Variants in TOR4A observed in about 807,000 individuals in gnomAD.
The protein encoded by TOR4A is torsin-4A.
Under a neutral mutation model 11.5 loss-of-function variants are expected in TOR4A, and 12 were observed. The observed-to-expected ratio is 1.04, with a 90% CI of 0.67 to 1.69. The LOEUF (loss-of-function observed/expected upper bound fraction) is 1.69. Ranked by LOEUF, TOR4A falls within the 40% of genes most tolerant of loss-of-function variation. The pLI, the probability that TOR4A is intolerant of heterozygous loss-of-function variation, is 0.00. For missense variants in TOR4A, 640 were observed against 643.2 expected (o/e 0.99, Z 0.05); for synonymous variants, 362 against 307.4 (o/e 1.18, Z -1.86).
At position 137,282,330 on chromosome 9, in the gene TOR4A, A is replaced by G. The variant is rs1371185968; in HGVS notation, c.*2369A>G. ...ATTCTCCTGCCTCAGCCTCCCGAGT[A>G]GCTGGGATTACAGGCGCCCGCCATC... On this transcript the variant is annotated 3_prime_UTR_variant, in exon 2 of 2. Coordinates refer to ENST00000357503, the MANE Select transcript of TOR4A (RefSeq NM_017723.3). The G allele has an allele frequency of 6.4e-6, 1 of 155,702 alleles. No individual in the cohort carries two copies. The highest frequency in any genetic ancestry group is 2.4e-5 in the African/African-American group (1 of 41,338). 9.6% of individuals were successfully genotyped at this position (155,702 alleles called of 1,614,324 possible). A position where few individuals can be genotyped will look rare whatever the true frequency, so the allele number is the denominator to read the frequency against.
Position 137,278,654 on chromosome 9 carries a change from G to T in TOR4A, c.-36G>T. Reference sequence around the variant, plus strand: ...ACCCTCCCCGTCTTCCCGTTGCAGGGAGGGCGACCTGTATGCGGAGCGCCG... The same window carrying T: ...ACCCTCCCCGTCTTCCCGTTGCAGGTAGGGCGACCTGTATGCGGAGCGCCG... On this transcript the variant is annotated splice_region_variant and 5_prime_UTR_variant, in exon 2 of 2. Coordinates refer to ENST00000357503, the MANE Select transcript of TOR4A (RefSeq NM_017723.3). 7.7e-7 allele frequency: 1 copy of T among 1,298,744 alleles called. No homozygotes were observed. Among genetic ancestry groups the T allele is most frequent in the East Asian group, 3.2e-5 (1 of 31,600 alleles). 80.5% of individuals were successfully genotyped at this position (1,298,744 alleles called of 1,614,324 possible).
chr9:137,277,827 C>T lies in TOR4A; in HGVS notation c.-118C>T, dbSNP rs552868642. The T allele has an allele frequency of 6.6e-6, 1 of 152,412 alleles. No homozygotes were observed. The highest frequency in any genetic ancestry group is 2.1e-4 in the South Asian group (1 of 4,830). 9.4% of individuals were successfully genotyped at this position (152,412 alleles called of 1,614,324 possible). On this transcript the variant is annotated 5_prime_UTR_variant, in exon 1 of 2. Coordinates refer to ENST00000357503, the MANE Select transcript of TOR4A (RefSeq NM_017723.3). ...GCCCACCCCCTCGCCCTGGGAGGCG[C>T]ATTTCCTGCTTGGAGTCTCAGGCCC... is the stretch of plus-strand genomic sequence containing the variant.
rs372458468 is a variant in TOR4A, at chr9:137,278,090, TG to T, written c.-38+186del. 2.5e-4 allele frequency among the ~76,000 whole-genome samples: 38 copies of T among 152,326 alleles called. No individual in the cohort carries two copies. The East Asian group carries it at 6.4e-3, about 26-fold the overall frequency. On this transcript the variant is annotated intron_variant, in intron 1 of 1. Transcript: ENST00000357503. ...AGGACCCCAGTTTTGGAGTCGGGGC[TG>T]GGAGGCCTGGGTTGAGCCTGGGGAC...
At position 137,279,748 on chromosome 9, in the gene TOR4A, G is replaced by T. The variant is rs377037019; in HGVS notation, c.1059G>T (p.Pro353=). The change falls in exon 2 of 2, where the codon CCG becomes CCT. Residue 353 remains proline, a synonymous_variant. Transcript: ENST00000357503. The stretch of plus-strand genomic sequence containing the variant: ...TGGCTGTGCTGTCCCGGGAGCATCC[G>T]CTGTGGCAGGCCGCGGCCATCGTGC... ...SLLAVLSREH[P]LWQAAAIVPF... 1.9e-6 allele frequency: 3 copies of T among 1,582,288 alleles called. No individual in the cohort carries two copies. The highest frequency in any genetic ancestry group is 1.1e-5 in the South Asian group (1 of 88,352).
Position 137,278,895 on chromosome 9 carries a change from C to T in TOR4A, c.206C>T (p.Ala69Val), listed in dbSNP as rs1264908673. The T allele has an allele frequency of 1.9e-6, 3 of 1,561,700 alleles. No homozygotes were observed. Among genetic ancestry groups the T allele is most frequent in the Non-Finnish European group, 8.6e-7 (1 of 1,161,280 alleles). Residue 69 changes from alanine (A) to valine (V), a missense_variant, in exon 2 of 2, where the codon GCG becomes GTG. Transcript: ENST00000357503. ...RPGCSPRAPR[A>V]DLDQPKFFTF... ...GGCTGCAGCCCCCGGGCACCGCGCGCGGACCTGGACCAGCCAAAGTTCTTC... is the reference window on the plus strand; with the variant it reads ...GGCTGCAGCCCCCGGGCACCGCGCGTGGACCTGGACCAGCCAAAGTTCTTC...
rs146071143 is a variant in TOR4A at position 137,279,523 on chromosome 9, G to A, written c.834G>A (p.Glu278=). 13 of 1,587,266 alleles carry A rather than the reference G, an allele frequency of 8.2e-6. No individual in the cohort carries two copies. The highest frequency in any genetic ancestry group is 1.1e-5 in the Non-Finnish European group (13 of 1,169,822). ...TCATGCCGCGGCCGCTGCTGGACGA[G>A]CTGCACGGCTTCCTGCAGCCGCAGC... is the stretch of plus-strand genomic sequence containing the variant. ...VELMPRPLLD[E]LHGFLQPQRS... is the part of the protein sequence containing the mutation. The change falls in exon 2 of 2, where the codon GAG becomes GAA. Residue 278 remains glutamate, a synonymous_variant. Transcript: ENST00000357503.
Position 137,278,997 on chromosome 9 carries a change from C to T in TOR4A, c.308C>T (p.Pro103Leu), listed in dbSNP as rs778606281. ...CGGCGCAGCCGCCTGGTGCTTTACC[C>T]GGAGACCTCGCGCAAGTATCGGCCG... ...KRRRSRLVLY[P>L]ETSRKYRPRV... The change falls in exon 2 of 2, where the codon CCG becomes CTG. Residue 103 changes from proline to leucine, a missense_variant. Transcript: ENST00000357503. The T allele has an allele frequency of 3.1e-6, 5 of 1,606,544 alleles. No homozygotes were observed. The South Asian group carries it at 4.4e-5, about 14-fold the overall frequency.
In TOR4A at chr9:137,280,202, G is replaced by C. The variant is rs900012303; in HGVS notation, c.*241G>C. On this transcript the variant is annotated 3_prime_UTR_variant, in exon 2 of 2. Coordinates refer to ENST00000357503, the MANE Select transcript of TOR4A (RefSeq NM_017723.3). ...AAACTTGCCCATTGCCCTGCTGGGC[G>C]TCCCAGGCATGGTCTGGTGCGTTCT... 10 of 593,676 alleles carry C rather than the reference G, an allele frequency of 1.7e-5. No homozygotes were observed. The highest frequency in any genetic ancestry group is 2.8e-5 in the Non-Finnish European group (9 of 327,104). 36.8% of individuals were successfully genotyped at this position (593,676 alleles called of 1,614,324 possible).
chr9:137,278,621 G>A, intron 1 of TOR4A, 32 bp from the exon 2 acceptor site: 1 of 1,229,310 alleles, frequency 8.1e-7, no homozygotes, highest in East Asian at 3.3e-5. Flanking sequence ...AGTGGCGGGA[G>A]TCCAGAGACC....
rs770559835 is a variant in TOR4A at position 137,279,528 on chromosome 9, A to G, written c.839A>G (p.His280Arg). 36 of 1,587,330 alleles carry G rather than the reference A, an allele frequency of 2.3e-5. No individual in the cohort carries two copies. The highest frequency in any genetic ancestry group is 1.1e-5 in the Non-Finnish European group (13 of 1,170,038). ...LMPRPLLDEL[H>R]GFLQPQRSHH... ...CCGCGGCCGCTGCTGGACGAGCTGC[A>G]CGGCTTCCTGCAGCCGCAGCGCTCC... Residue 280 changes from histidine to arginine, a missense_variant, in exon 2 of 2, where the codon CAC becomes CGC. Coordinates refer to ENST00000357503, the MANE Select transcript of TOR4A (RefSeq NM_017723.3).
rs564458178 is a variant in TOR4A at position 137,280,727 on chromosome 9, C to T, written c.*766C>T. Reference sequence around the variant, plus strand: ...CTGGTCACCACGATTGCGCGACCTCCCTTTCCCTGGGGCCTTTTGTGCCCC... The same window carrying T: ...CTGGTCACCACGATTGCGCGACCTCTCTTTCCCTGGGGCCTTTTGTGCCCC... On this transcript the variant is annotated 3_prime_UTR_variant, in exon 2 of 2. Coordinates refer to ENST00000357503, the MANE Select transcript of TOR4A (RefSeq NM_017723.3). 1 of 167,254 alleles carries T rather than the reference C, an allele frequency of 6.0e-6. No individual in the cohort carries two copies. The highest frequency in any genetic ancestry group is 6.5e-5 in the Admixed American group (1 of 15,300). 10.4% of individuals were successfully genotyped at this position (167,254 alleles called of 1,614,324 possible).
Position 137,278,949 on chromosome 9 carries a change from C to T in TOR4A, c.260C>T (p.Ser87Phe), listed in dbSNP as rs574903060. 6.2e-7 allele frequency: 1 copy of T among 1,602,908 alleles called. No homozygotes were observed. Among genetic ancestry groups the T allele is most frequent in the Non-Finnish European group, 8.5e-7 (1 of 1,177,786 alleles). The change falls in exon 2 of 2, where the codon TCC becomes TTC. Residue 87 changes from serine (S) to phenylalanine (F), a missense_variant. By Grantham distance (155) the Ser-to-Phe change is radical. Transcript: ENST00000357503. ...FTFDSPAELP[S>F]RTPRKKRRRS... ...TTCGACAGCCCCGCGGAGCTACCCT[C>T]CAGGACGCCACGCAAGAAGCGCCGG...
Position 137,278,998 on chromosome 9 carries a change from G to T in TOR4A, c.309G>T (p.Pro103=), listed in dbSNP as rs748016908. ...GGCGCAGCCGCCTGGTGCTTTACCC[G>T]GAGACCTCGCGCAAGTATCGGCCGC... ...KRRRSRLVLY[P]ETSRKYRPRV... is the part of the protein sequence containing the mutation. The change falls in exon 2 of 2, where the codon CCG becomes CCT. Residue 103 remains proline (P), a synonymous_variant. Transcript: ENST00000357503. The T allele has an allele frequency of 6.2e-7, 1 of 1,606,738 alleles. No individual in the cohort carries two copies. The highest frequency in any genetic ancestry group is 8.5e-7 in the Non-Finnish European group (1 of 1,177,544).
chr9:137,279,210 T>C lies in TOR4A; in HGVS notation c.521T>C (p.Leu174Pro). ...GCTGCCGTATCGCGCATCGTGGCGC[T>C]GATGCGGGACTACCTGGCCACGCAT... is the stretch of plus-strand genomic sequence containing the variant. The part of the protein sequence containing the change: ...QPAAVSRIVA[L>P]MRDYLATHVH... Residue 174 changes from leucine to proline, a missense_variant, in exon 2 of 2, where the codon CTG becomes CCG. Coordinates refer to ENST00000357503, the MANE Select transcript of TOR4A (RefSeq NM_017723.3). 2 of 1,547,952 alleles carry C rather than the reference T, an allele frequency of 1.3e-6. No homozygotes were observed. The highest frequency in any genetic ancestry group is 1.7e-6 in the Non-Finnish European group (2 of 1,146,510).
In TOR4A at chr9:137,281,828, A is replaced by T. The variant is rs1332865768; in HGVS notation, c.*1867A>T. 7 of 166,622 alleles carry T rather than the reference A, an allele frequency of 4.2e-5. No homozygotes were observed. The highest frequency in any genetic ancestry group is 1.5e-4 in the African/African-American group (6 of 41,362). 10.3% of individuals were successfully genotyped at this position (166,622 alleles called of 1,614,324 possible). On this transcript the variant is annotated 3_prime_UTR_variant, in exon 2 of 2. Coordinates refer to ENST00000357503, the MANE Select transcript of TOR4A (RefSeq NM_017723.3). ...GTTCAGCCCAGCTCTGTCCACCCCAACCCCAGGGCTAGGGGAAGGAGCTGG... is the reference window on the plus strand; with the variant it reads ...GTTCAGCCCAGCTCTGTCCACCCCATCCCCAGGGCTAGGGGAAGGAGCTGG...
chr9:137,278,445 C>CGGCGGAGG (rs1830670163), intron 1 of TOR4A, among the ~76,000 whole-genome samples: 1 of 141,096 alleles, frequency 7.1e-6, no homozygotes, highest in Non-Finnish European at 1.6e-5. Flanking sequence ...CATCGGGGCC[C>CGGCGGAGG]TGCGGAGGGG....
chr9:137,279,998 CAGT>C lies in TOR4A; in HGVS notation c.*40_*42del, dbSNP rs1830696554. ...GACGGGACGTTTGGGTTGATGGCGG[CAGT>C]AGGAGGGCGACCAGGGACCTTGTGG... On this transcript the variant is annotated 3_prime_UTR_variant, in exon 2 of 2. Coordinates refer to ENST00000357503, the MANE Select transcript of TOR4A (RefSeq NM_017723.3). 3 of 1,528,522 alleles carry C rather than the reference CAGT, an allele frequency of 2.0e-6. No homozygotes were observed. The highest frequency in any genetic ancestry group is 1.8e-6 in the Non-Finnish European group (2 of 1,131,744). The allele number at this position is 1,528,522 out of a possible 1,614,324, so 94.7% of individuals were successfully genotyped here. A position where few individuals can be genotyped will look rare whatever the true frequency, so the allele number is the denominator to read the frequency against.
chr9:137,280,327 G>A lies in TOR4A; in HGVS notation c.*366G>A. 1 of 298,446 alleles carries A rather than the reference G, an allele frequency of 3.4e-6. No homozygotes were observed. 18.5% of individuals were successfully genotyped at this position (298,446 alleles called of 1,614,324 possible). A position where few individuals can be genotyped will look rare whatever the true frequency, so the allele number is the denominator to read the frequency against. The stretch of plus-strand genomic sequence containing the variant: ...CTGGGACGTGACCCCGCCTCTTGGG[G>A]GTGGTCGCGTGTTGCTCAGTGCTGA... On this transcript the variant is annotated 3_prime_UTR_variant, in exon 2 of 2. Transcript: ENST00000357503.
In TOR4A at chr9:137,277,853, C is replaced by T. The variant is rs1399230517; in HGVS notation, c.-92C>T. On this transcript the variant is annotated 5_prime_UTR_variant, in exon 1 of 2. Transcript: ENST00000357503. ...ATTTCCTGCTTGGAGTCTCAGGCCC[C>T]AGCGTCTGGCACAGGCAGGGGCCTG... The T allele has an allele frequency of 6.6e-6, 1 of 152,284 alleles. No homozygotes were observed. Among genetic ancestry groups the T allele is most frequent in the Non-Finnish European group, 1.5e-5 (1 of 68,084 alleles). The allele number at this position is 152,284 out of a possible 1,614,324, so 9.4% of individuals were successfully genotyped here. A position where few individuals can be genotyped will look rare whatever the true frequency, so the allele number is the denominator to read the frequency against.
Sources: allele counts gnomAD v4.1 joint callset (sites outside exome capture counted in the v4.1 genomes callset), GRCh38; gene constraint gnomAD v4.1.1; transcripts MANE v1.5; gene names NCBI Gene and HGNC (gene_info 2026-07-23, HGNC 2026-07-21).